The following ZNF292 variants were observed in gnomAD, a reference collection of about 807,000 sequenced individuals.
The protein encoded by ZNF292 is zinc finger protein 292.
In ZNF292, 26 loss-of-function variants were observed where a neutral mutation model predicts 217.9. The ratio of observed to expected loss-of-function variants is 0.12; its 90% CI spans 0.09 to 0.17. The LOEUF (loss-of-function observed/expected upper bound fraction) is 0.17. ZNF292 is among the 10% of genes least tolerant of loss of function. The pLI, the probability that ZNF292 is intolerant of heterozygous loss-of-function variation, is 1.00. For synonymous variants in ZNF292, 1,257 were observed against 1,124.1 expected, an observed-to-expected ratio of 1.12 and a Z score of -2.37; for missense variants, 2,904 against 3,175.2, an observed-to-expected ratio of 0.91 and a Z score of 2.05.
chr6:87,211,541 T>C (rs900774708), intron 1 of ZNF292, among the ~76,000 whole-genome samples: 15 of 152,216 alleles, frequency 9.9e-5, no homozygotes, highest in African/African-American at 3.6e-4. Context: ...TATGGCTTTT[T>C]ATTTCACTAC....
intron 1 of ZNF292, among the ~76,000 whole-genome samples, chr6:87,204,554 ATTTTTTTTT>A (rs68087857): frequency 9.4e-5 from 6 of 63,640 alleles, no homozygotes; most frequent in East Asian, 5.6e-4. Flanking sequence ...AACATTTAGG[ATTTTTTTTT>A]TTTTTTTTTT....
rs1189526951 is a variant in ZNF292 at position 87,255,753 on chromosome 6, T to G, written c.2124T>G (p.Asn708Lys). The change falls in exon 8 of 8, where the codon AAT becomes AAG. Residue 708 changes from asparagine (N) to lysine (K), a missense_variant. Transcript: ENST00000369577. ...CTCATGTGAAGGGGCATAAAGATAA[T>G]GAAGACGCCAAGCGCTTTCTTGAAA... is the stretch of plus-strand genomic sequence containing the variant. The part of the protein sequence containing the change: ...LIAHVKGHKD[N>K]EDAKRFLEMQ... The G allele has an allele frequency of 6.2e-7, 1 of 1,613,836 alleles. No individual in the cohort carries two copies. The highest frequency in any genetic ancestry group is 2.2e-5 in the East Asian group (1 of 44,884).
intron 1 of ZNF292, among the ~76,000 whole-genome samples, chr6:87,215,437 A>G (rs1772703345): frequency 6.6e-6 from 1 of 152,008 alleles, no homozygotes; most frequent in South Asian, 2.1e-4. Flanking sequence ...ATGTACTGTT[A>G]TTTTTTTATG....
chr6:87,260,130 A>G lies in ZNF292; in HGVS notation c.6501A>G (p.Gln2167=), dbSNP rs762420388. Residue 2167 remains glutamine, a synonymous_variant, in exon 8 of 8, where the codon CAA becomes CAG. Transcript: ENST00000369577. ...GKESEETETK[Q]TLKEFRCQVS... The stretch of plus-strand genomic sequence containing the variant: ...AAAGTGAAGAAACTGAAACTAAACA[A>G]ACTTTGAAAGAATTTCGATGTCAGG... 11 of 1,613,342 alleles carry G rather than the reference A, an allele frequency of 6.8e-6. No homozygotes were observed. Among genetic ancestry groups the G allele is most frequent in the African/African-American group, 1.3e-5 (1 of 74,906 alleles).
chr6:87,159,189 T>C (rs1017858227), intron 1 of ZNF292, among the ~76,000 whole-genome samples: 2 of 152,142 alleles, frequency 1.3e-5, no homozygotes, highest in Admixed American at 1.3e-4. Flanking sequence ...AGTAGCAGAA[T>C]AGAAACGAAA....
rs143864685 is a variant in ZNF292 at position 87,169,189 on chromosome 6, C to T, written c.168+13430C>T. Among the ~76,000 whole-genome samples, 1,151 of 152,084 alleles carry T rather than the reference C, an allele frequency of 7.6e-3. 22 individuals are homozygous for T. The highest frequency in any genetic ancestry group is 0.025 in the African/African-American group (1,033 of 41,494). On this transcript the variant is annotated intron_variant, in intron 1 of 7. Transcript: ENST00000369577. Reference sequence around the variant, plus strand: ...TGCCGAGCAGCTGCAATTACAGGTGCGCCACCATGCCCAGCTAATTTTTGT... The same window carrying T: ...TGCCGAGCAGCTGCAATTACAGGTGTGCCACCATGCCCAGCTAATTTTTGT...
intron 4 of ZNF292, among the ~76,000 whole-genome samples, chr6:87,222,461 T>C (rs191288416): frequency 2.0e-5 from 3 of 152,348 alleles, no homozygotes; most frequent in Admixed American, 1.3e-4. Context: ...TGACAGTTTT[T>C]CAGACTTTCC....
intron 1 of ZNF292, among the ~76,000 whole-genome samples, chr6:87,188,418 A>G (rs1203362069): frequency 1.3e-5 from 2 of 152,142 alleles, no homozygotes; most frequent in African/African-American, 4.8e-5. Flanking sequence ...CTGGCCTTAT[A>G]TTTCTATTAT....
chr6:87,158,777 T>C (rs954743791), intron 1 of ZNF292, among the ~76,000 whole-genome samples: 3 of 152,248 alleles, frequency 2.0e-5, no homozygotes, highest in African/African-American at 7.2e-5. Context: ...AAAGAATTTA[T>C]TGGCGCAATC....
Position 87,265,745 on chromosome 6 carries a change from G to C in ZNF292, c.*3944G>C, listed in dbSNP as rs1233537727. Among the ~76,000 whole-genome samples the C allele has an allele frequency of 2.0e-5, 3 of 152,104 alleles. No homozygotes were observed. The highest frequency in any genetic ancestry group is 4.4e-5 in the Non-Finnish European group (3 of 68,030). On this transcript the variant is annotated 3_prime_UTR_variant, in exon 8 of 8. Transcript: ENST00000369577. The stretch of plus-strand genomic sequence containing the variant: ...TATTCAACCAGGACTGATAATCAAC[G>C]TGTACACCAATTCAATTGTATCAGC...
intron 1 of ZNF292, among the ~76,000 whole-genome samples, chr6:87,163,991 G>T (rs1770833957): frequency 6.6e-6 from 1 of 152,198 alleles, no homozygotes; most frequent in East Asian, 1.9e-4. Context: ...TTGAGGCATT[G>T]AAATAAAAGT....
intron 7 of ZNF292, among the ~76,000 whole-genome samples, chr6:87,253,381 A>G (rs1460865801): frequency 2.0e-5 from 3 of 151,762 alleles, no homozygotes; most frequent in Non-Finnish European, 1.5e-5. Flanking sequence ...GCTGCATACC[A>G]CCACACCTGG....
At chr6:87,251,273 G>T (rs1171139882) in intron 7 of ZNF292, among the ~76,000 whole-genome samples, 2 of 152,144 alleles carry the variant, frequency 1.3e-5, no homozygotes, top group African/African-American at 2.4e-5. Context: ...TGAAATACAT[G>T]GTAATTATTT....
In ZNF292 at chr6:87,155,600, C is replaced by G. The variant is rs750263871; in HGVS notation, c.9C>G (p.Asp3Glu). Reference sequence around the variant, plus strand: ...CGGAGCGGGGTGTGAAGATGGCGGACGAAGAGGCCGAGCAGGAGAGGTTGA... The same window carrying G: ...CGGAGCGGGGTGTGAAGATGGCGGAGGAAGAGGCCGAGCAGGAGAGGTTGA... MADEEAEQERLSC... is the reference protein window; with the variant it reads MAEEEAEQERLSC... The change falls in exon 1 of 8, where the codon GAC (aspartate) becomes GAG (glutamate). Residue 3 changes from aspartate to glutamate, a missense_variant. Asp to Glu is a conservative substitution (Grantham distance 45, BLOSUM62 2). Coordinates refer to ENST00000369577, the MANE Select transcript of ZNF292 (RefSeq NM_015021.3). 7 of 1,579,416 alleles carry G rather than the reference C, an allele frequency of 4.4e-6. No homozygotes were observed. Among genetic ancestry groups the G allele is most frequent in the Non-Finnish European group, 5.2e-6 (6 of 1,163,774 alleles).
intron 3 of ZNF292, among the ~76,000 whole-genome samples, chr6:87,216,716 T>C (rs746890172): frequency 1.2e-4 from 18 of 152,112 alleles, no homozygotes; most frequent in Non-Finnish European, 2.2e-4. Flanking sequence ...TTCACATATA[T>C]CATTTAATCC....
At chr6:87,212,651 G>C (rs1295391669) in intron 1 of ZNF292, among the ~76,000 whole-genome samples, 1 of 152,214 alleles carries the variant, frequency 6.6e-6, no homozygotes, top group Non-Finnish European at 1.5e-5. Flanking sequence ...GACTGGTCAT[G>C]AATCTTAACA....
At chr6:87,177,407 G>A (rs943289495) in intron 1 of ZNF292, among the ~76,000 whole-genome samples, 16 of 150,640 alleles carry the variant, frequency 1.1e-4, no homozygotes, top group African/African-American at 3.9e-4. Flanking sequence ...ACCAAGTTTT[G>A]TCAATTTTAT....
chr6:87,229,919 C>G (rs9344693), intron 4 of ZNF292, among the ~76,000 whole-genome samples: 21 of 151,492 alleles, frequency 1.4e-4, no homozygotes, highest in African/African-American at 4.4e-4. Flanking sequence ...TAGATGGAGA[C>G]GACTAGTAGA....
At position 87,215,988 on chromosome 6, in the gene ZNF292, A is replaced by C; in HGVS notation, c.254A>C (p.Tyr85Ser). 1 of 1,590,042 alleles carries C rather than the reference A, an allele frequency of 6.3e-7. No homozygotes were observed. The highest frequency in any genetic ancestry group is 8.5e-7 in the Non-Finnish European group (1 of 1,173,568). Residue 85 changes from tyrosine to serine, a missense_variant, in exon 2 of 8, where the codon TAT becomes TCT. Around this residue, in one of 15 missense-constraint regions of ZNF292, gnomAD observed 313 missense variants for 451.0 expected, o/e 0.69. Coordinates refer to ENST00000369577, the MANE Select transcript of ZNF292 (RefSeq NM_015021.3). ...LEVYTVAIQS[Y>S]VKARPYLTSE... ...GTATACACAGTGGCTATCCAAAGTT[A>C]TGTTAAAGCCCGACCTTATCTTACC...
Sources: allele counts gnomAD v4.1 joint callset (sites outside exome capture counted in the v4.1 genomes callset), GRCh38; gene constraint gnomAD v4.1.1; regional missense constraint gnomAD v4.1.1; transcripts MANE v1.5; gene names NCBI Gene and HGNC (gene_info 2026-07-23, HGNC 2026-07-21).